The following TMEM236 variants were observed in gnomAD, a reference collection of about 807,000 sequenced individuals.
The protein encoded by TMEM236 is transmembrane protein 236.
In TMEM236, 11 loss-of-function variants were observed where a neutral mutation model predicts 14.7. The observed-to-expected ratio is 0.75, with a 90% CI of 0.47 to 1.24. TMEM236 has a LOEUF of 1.24. Ranked by LOEUF, TMEM236 falls within the 50% of genes most tolerant of loss-of-function variation. TMEM236 has a pLI of 0.00. For missense variants in TMEM236, 464 were observed against 427.3 expected (o/e 1.09, Z -0.76); for synonymous variants, 182 against 168.6 (o/e 1.08, Z -0.62).
chr10:17,752,378 C>T lies in TMEM236; in HGVS notation c.83C>T (p.Thr28Ile). The T allele has an allele frequency of 6.2e-7, 1 of 1,613,870 alleles. No homozygotes were observed. The highest frequency in any genetic ancestry group is 8.5e-7 in the Non-Finnish European group (1 of 1,179,858). The change falls in exon 1 of 4, where the codon ACA (threonine) becomes ATA (isoleucine). Residue 28 changes from threonine to isoleucine, a missense_variant. Thr to Ile is a moderately conservative substitution (Grantham distance 89, BLOSUM62 -1). Transcript: ENST00000377495. The part of the protein sequence containing the change: ...AAFSIPTLVI[T>I]EQFATAYQGT... ...TTCTCCATCCCCACACTCGTGATCA[C>T]AGAACAGTTTGCCACCGCCTACCAA...
intron 1 of TMEM236, among the ~76,000 whole-genome samples, chr10:17,765,818 T>C (rs1392340700): frequency 1.3e-5 from 2 of 152,230 alleles, no homozygotes; most frequent in Non-Finnish European, 2.9e-5. Context: ...TGGGCGCCTC[T>C]GGGCTTGTGG....
At chr10:17,777,389 G>A (rs1041695413) in intron 3 of TMEM236, among the ~76,000 whole-genome samples, 7 of 152,180 alleles carry the variant, frequency 4.6e-5, no homozygotes, top group African/African-American at 1.4e-4. Flanking sequence ...TTAAACTCAG[G>A]AGAGTTGGGA....
chr10:17,759,443 G>A (rs1554833795), intron 1 of TMEM236, among the ~76,000 whole-genome samples: 1 of 152,122 alleles, frequency 6.6e-6, no homozygotes, highest in African/African-American at 2.4e-5. Flanking sequence ...CCTGGGCAGG[G>A]CAAGTTTAAA....
chr10:17,774,567 T>C (rs1589146650), intron 2 of TMEM236, among the ~76,000 whole-genome samples: 1 of 152,192 alleles, frequency 6.6e-6, no homozygotes, highest in East Asian at 1.9e-4. Flanking sequence ...ATAATTCCTA[T>C]GCCAACTCTA....
At chr10:17,764,835 C>G (rs1400955717) in intron 1 of TMEM236, among the ~76,000 whole-genome samples, 3 of 72,134 alleles carry the variant, frequency 4.2e-5, no homozygotes, top group Non-Finnish European at 6.4e-5. Flanking sequence ...TTCAGATTTT[C>G]CCTTTTTTTT....
chr10:17,794,025 T>C (rs1392861700), intron 3 of TMEM236, among the ~76,000 whole-genome samples: 1 of 152,216 alleles, frequency 6.6e-6, no homozygotes, highest in Non-Finnish European at 1.5e-5. Flanking sequence ...GGAAGTAATG[T>C]GTCATCAAGA....
At chr10:17,790,638 T>C (rs1415888442) in intron 3 of TMEM236, among the ~76,000 whole-genome samples, 9 of 152,242 alleles carry the variant, frequency 5.9e-5, no homozygotes, top group Non-Finnish European at 1.2e-4. Context: ...TCCTCTGAAA[T>C]TATTATGACT....
At chr10:17,795,489 G>C (rs1837996585) in intron 3 of TMEM236, among the ~76,000 whole-genome samples, 1 of 152,192 alleles carries the variant, frequency 6.6e-6, no homozygotes, top group Non-Finnish European at 1.5e-5. Context: ...TGTTATTATG[G>C]AGTGGTAAAA....
At chr10:17,754,782 C>G (rs1837259112) in intron 1 of TMEM236, among the ~76,000 whole-genome samples, 1 of 152,050 alleles carries the variant, frequency 6.6e-6, no homozygotes, top group African/African-American at 2.4e-5. Context: ...TATACTGATC[C>G]ACATAAGGGT....
chr10:17,758,024 C>G (rs1396791925), intron 1 of TMEM236, among the ~76,000 whole-genome samples: 13 of 152,278 alleles, frequency 8.5e-5, no homozygotes, highest in African/African-American at 2.6e-4. Context: ...CCACTTTGGT[C>G]TCCCAAAGTG....
chr10:17,788,583 T>A, intron 3 of TMEM236, among the ~76,000 whole-genome samples: 1 of 142,172 alleles, frequency 7.0e-6, no homozygotes, highest in Non-Finnish European at 1.5e-5. Flanking sequence ...AGACCCCATC[T>A]CTACAAAAAA....
chr10:17,794,458 A>T (rs1837976339), intron 3 of TMEM236, among the ~76,000 whole-genome samples: 1 of 152,160 alleles, frequency 6.6e-6, no homozygotes, highest in Non-Finnish European at 1.5e-5. Context: ...TGCCATCAAC[A>T]TTGTTTTAGG....
At chr10:17,761,248 T>C (rs1837358044) in intron 1 of TMEM236, among the ~76,000 whole-genome samples, 1 of 152,154 alleles carries the variant, frequency 6.6e-6, no homozygotes, top group Non-Finnish European at 1.5e-5. Context: ...TTCGTCCTGA[T>C]TGTTTCTGTT....
At position 17,796,117 on chromosome 10, in the gene TMEM236, A is replaced by C; in HGVS notation, c.669A>C (p.Gly223=). 1 of 1,613,882 alleles carries C rather than the reference A, an allele frequency of 6.2e-7. No individual in the cohort carries two copies. Among genetic ancestry groups the C allele is most frequent in the Non-Finnish European group, 8.5e-7 (1 of 1,179,858 alleles). The change falls in exon 4 of 4, where the codon GGA becomes GGC. Residue 223 remains glycine, a synonymous_variant. Coordinates refer to ENST00000377495, the MANE Select transcript of TMEM236 (RefSeq NM_001098844.3). ...CCCAGGAGCCCTCCTGTGACTCCGG[A>C]ATCCTGAGAATGATGTCCCGGCGAG... ...MGPQEPSCDS[G]ILRMMSRRDV... is the part of the protein sequence containing the mutation.
chr10:17,754,794 T>C (rs1184472645), intron 1 of TMEM236, among the ~76,000 whole-genome samples: 1 of 152,220 alleles, frequency 6.6e-6, no homozygotes, highest in African/African-American at 2.4e-5. Flanking sequence ...CATAAGGGTA[T>C]TGAGAACAAA....
chr10:17,758,930 A>C (rs1172959997), intron 1 of TMEM236, among the ~76,000 whole-genome samples: 1 of 152,164 alleles, frequency 6.6e-6, no homozygotes, highest in Non-Finnish European at 1.5e-5. Context: ...TTTTCATTTC[A>C]TGTTCTCACT....
At chr10:17,763,297 A>G (rs1202280505) in intron 1 of TMEM236, among the ~76,000 whole-genome samples, 1 of 150,982 alleles carries the variant, frequency 6.6e-6, no homozygotes, top group African/African-American at 2.4e-5. Context: ...ACAGGACGTT[A>G]AAAAAAAAGT....
Position 17,752,537 on chromosome 10 carries a change from GA to G in TMEM236, c.247del (p.Ile83LeufsTer8). The part of the protein sequence containing the change: ...VILHKKRYIY[R>X]KIKGWRPVLM... ...CTGCACAAGAAACGTTATATTTACA[GA>G]AAAATTAAAGGATGGTAAGTAAAAG... On this transcript the variant is annotated frameshift_variant, in exon 1 of 4. Coordinates refer to ENST00000377495, the MANE Select transcript of TMEM236 (RefSeq NM_001098844.3). LOFTEE classifies it high-confidence loss of function. 6.2e-7 allele frequency: 1 copy of G among 1,613,830 alleles called. No individual in the cohort carries two copies.
rs1262725640 is a variant in TMEM236, at chr10:17,796,848, G to A, written c.*344G>A. ...GCAAGCAGACCGCACAGCACGTGGT[G>A]AACCTCAAACTGAGCGTTCCCGCCT... On this transcript the variant is annotated 3_prime_UTR_variant, in exon 4 of 4. Transcript: ENST00000377495. The A allele has an allele frequency of 9.5e-6, 3 of 314,684 alleles. No homozygotes were observed. The highest frequency in any genetic ancestry group is 1.8e-5 in the Non-Finnish European group (3 of 168,038). The allele number at this position is 314,684 out of a possible 1,614,324, so 19.5% of individuals were successfully genotyped here. A position where few individuals can be genotyped will look rare whatever the true frequency, so the allele number is the denominator to read the frequency against.
Sources: allele counts gnomAD v4.1 joint callset (sites outside exome capture counted in the v4.1 genomes callset), GRCh38; gene constraint gnomAD v4.1.1; transcripts MANE v1.5; gene names NCBI Gene and HGNC (gene_info 2026-07-23, HGNC 2026-07-21).